Variants in NT5C3B observed in about 807,000 individuals in gnomAD.
The protein encoded by NT5C3B is 7-methylguanosine phosphate-specific 5'-nucleotidase.
In NT5C3B, 28 loss-of-function variants were observed where a neutral mutation model predicts 32.5. The observed-to-expected ratio is 0.86, with a 90% CI of 0.64 to 1.18. The LOEUF (loss-of-function observed/expected upper bound fraction) is 1.18, where lower values mean the gene tolerates loss of function less well. Ranked by LOEUF, NT5C3B falls within the 50% of genes most tolerant of loss-of-function variation. The pLI is 0.00. For synonymous variants in NT5C3B, 138 were observed against 118.0 expected (o/e 1.17, Z -1.10); for missense variants, 317 against 322.0 (o/e 0.98, Z 0.12).
chr17:41,834,774 C>A (rs2048115970), intron 4 of NT5C3B, among the ~76,000 whole-genome samples: 1 of 152,062 alleles, frequency 6.6e-6, no homozygotes, highest in Non-Finnish European at 1.5e-5. Flanking sequence ...ACAAGCTCTG[C>A]CATTTGGCTG....
Position 41,825,376 on chromosome 17 carries a change from G to A in NT5C3B, c.*147C>T. 1 of 626,702 alleles carries A rather than the reference G, an allele frequency of 1.6e-6. No individual in the cohort carries two copies. The highest frequency in any genetic ancestry group is 2.1e-5 in the South Asian group (1 of 48,156). 38.8% of individuals were successfully genotyped at this position (626,702 alleles called of 1,614,324 possible). ...TTCCTTCAAGCCTCTGGTGATGAAG[G>A]TGCTCAGGGAAAGGAGGACGGAGGG... On this transcript the variant is annotated 3_prime_UTR_variant, in exon 9 of 9. Coordinates refer to ENST00000435506, the MANE Select transcript of NT5C3B (RefSeq NM_052935.5).
In NT5C3B at chr17:41,834,936, C is replaced by T. The variant is rs532379680; in HGVS notation, c.228+134G>A. ...CTGTCTTAATGTATTAAAACTAGACCCTCCTTAGCAAAACAACAAGTTTTT... is the reference window on the plus strand; with the variant it reads ...CTGTCTTAATGTATTAAAACTAGACTCTCCTTAGCAAAACAACAAGTTTTT... On this transcript the variant is annotated intron_variant, in intron 4 of 8. Transcript: ENST00000435506. 2.3e-5 allele frequency: 19 copies of T among 824,122 alleles called. No homozygotes were observed. In the African/African-American group the frequency reaches 2.6e-4, roughly 11 times the overall value. 51.1% of individuals were successfully genotyped at this position (824,122 alleles called of 1,614,324 possible).
At position 41,827,459 on chromosome 17, in the gene NT5C3B, C is replaced by T. The variant is rs2047985977; in HGVS notation, c.735G>A (p.Gln245=). Residue 245 remains glutamine (Q), a synonymous_variant, in exon 8 of 9, where the codon CAG becomes CAA. Coordinates refer to ENST00000435506, the MANE Select transcript of NT5C3B (RefSeq NM_052935.5). The part of the protein sequence containing the change: ...LTMADGVPGV[Q]NILKIGFLND... Reference sequence around the variant, plus strand: ...TCAGGAAGCCAATTTTGAGAATGTTCTGCACACCAGGAACCCCATCGGCCA... The same window carrying T: ...TCAGGAAGCCAATTTTGAGAATGTTTTGCACACCAGGAACCCCATCGGCCA... The T allele has an allele frequency of 6.9e-6, 6 of 872,794 alleles. No homozygotes were observed. The South Asian group carries it at 7.8e-5, about 11-fold the overall frequency. The allele number at this position is 872,794 out of a possible 1,614,324, so 54.1% of individuals were successfully genotyped here. A position where few individuals can be genotyped will look rare whatever the true frequency, so the allele number is the denominator to read the frequency against.
chr17:41,835,538 C>T (rs1319763), intron 2 of NT5C3B: 528,876 of 688,926 alleles, frequency 0.77, 204,268 homozygotes, highest in Admixed American at 0.86. Flanking sequence ...TATCAGGTCC[C>T]TCCTAAGAGA....
chr17:41,829,712 C>T lies in NT5C3B; in HGVS notation c.405-760G>A, dbSNP rs1399962510. On this transcript the variant is annotated intron_variant, in intron 6 of 8. Transcript: ENST00000435506. ...ATATAAATATGCCACAATTTATCTA[C>T]CCAGCTTCTCCTTGATAGACAGTTG... Among the ~76,000 whole-genome samples, 4 of 152,202 alleles carry T rather than the reference C, an allele frequency of 2.6e-5. No homozygotes were observed. The East Asian group carries it at 7.7e-4, about 29-fold the overall frequency.
At chr17:41,828,504 T>TA (rs1555618535) in intron 7 of NT5C3B, 2 of 251,668 alleles carry the variant, frequency 7.9e-6, no homozygotes, top group Admixed American at 4.8e-5. Context: ...GCCCGGCTTA[T>TA]TTCTGTATTT....
At chr17:41,831,719 T>C (rs2048055137) in intron 5 of NT5C3B, among the ~76,000 whole-genome samples, 1 of 152,226 alleles carries the variant, frequency 6.6e-6, no homozygotes, top group Admixed American at 6.6e-5. Context: ...TGGACTTCCC[T>C]GCTTCCAGAA....
At chr17:41,831,226 G>A (rs2048046494) in intron 5 of NT5C3B, among the ~76,000 whole-genome samples, 1 of 151,434 alleles carries the variant, frequency 6.6e-6, no homozygotes, top group Non-Finnish European at 1.5e-5. Context: ...GGCTGAGGCT[G>A]GAGAATCACT....
Position 41,825,455 on chromosome 17 carries a change from G to A in NT5C3B, c.*68C>T, listed in dbSNP as rs1053941996. On this transcript the variant is annotated 3_prime_UTR_variant, in exon 9 of 9. Transcript: ENST00000435506. ...ACCCTGGCCTCTGCTCTGTGTTCAC[G>A]GGGGAGCAGACTCTGGGGAGGCGCC... The A allele has an allele frequency of 4.7e-5, 38 of 812,956 alleles. No homozygotes were observed. The highest frequency in any genetic ancestry group is 3.4e-4 in the South Asian group (24 of 70,992). The allele number at this position is 812,956 out of a possible 1,614,324, so 50.4% of individuals were successfully genotyped here. A position where few individuals can be genotyped will look rare whatever the true frequency, so the allele number is the denominator to read the frequency against.
At chr17:41,835,817 G>A (rs2048142346) in intron 2 of NT5C3B, 42 bp downstream of exon 2, 2 of 1,550,502 alleles carry the variant, frequency 1.3e-6, no homozygotes, top group Non-Finnish European at 1.8e-6. Flanking sequence ...AGCCTCTCCA[G>A]CCGCCCCCAG....
In NT5C3B at chr17:41,835,878, C is replaced by T; in HGVS notation, c.92G>A (p.Gly31Asp). The T allele has an allele frequency of 6.2e-7, 1 of 1,609,268 alleles. No individual in the cohort carries two copies. Among genetic ancestry groups the T allele is most frequent in the Non-Finnish European group, 8.5e-7 (1 of 1,178,746 alleles). Residue 31 changes from glycine to aspartate, a missense_variant, in exon 2 of 9, where the codon GGC becomes GAC. Gly to Asp is a moderately conservative substitution (Grantham distance 94). Coordinates refer to ENST00000435506, the MANE Select transcript of NT5C3B (RefSeq NM_052935.5). ...AGGTACCTGTAACCGGTCTCCGCCG[C>T]CCTTGCGGAGGGCGCCCACGATCTC... ...VQEIVGALRK[G>D]GGDRLQVISD...
Position 41,835,962 on chromosome 17 carries a change from C to A in NT5C3B, c.13-5G>T. The A allele has an allele frequency of 6.4e-7, 1 of 1,572,512 alleles. No individual in the cohort carries two copies. The highest frequency in any genetic ancestry group is 1.8e-5 in the Admixed American group (1 of 54,200). On this transcript the variant is annotated splice_polypyrimidine_tract_variant and splice_region_variant and intron_variant, in intron 1 of 8. Coordinates refer to ENST00000435506, the MANE Select transcript of NT5C3B (RefSeq NM_052935.5). ...GGCCTTCATCAGGGTGCTCACCTGT[C>A]CCGAGACCCGAGAGAACCACTGACC...
At position 41,832,173 on chromosome 17, in the gene NT5C3B, AT is replaced by A. The variant is rs1555619142; in HGVS notation, c.314+218del. 2.0e-5 allele frequency among the ~76,000 whole-genome samples: 3 copies of A among 152,374 alleles called. No homozygotes were observed. The East Asian group carries it at 5.8e-4, about 29-fold the overall frequency. ...CCCCAACACCAAGCGTCTTTAACTT[AT>A]TCCAAGGATTCTCTGAGGGTCTCCA... On this transcript the variant is annotated intron_variant, in intron 5 of 8. Coordinates refer to ENST00000435506, the MANE Select transcript of NT5C3B (RefSeq NM_052935.5).
intron 5 of NT5C3B, among the ~76,000 whole-genome samples, chr17:41,831,917 A>AC (rs1453431573): frequency 6.6e-6 from 1 of 152,156 alleles, no homozygotes; most frequent in Non-Finnish European, 1.5e-5. Flanking sequence ...TGAGCCAGGC[A>AC]CAGTGGCACG....
In NT5C3B at chr17:41,833,826, T is replaced by G. The variant is rs562918768; in HGVS notation, c.228+1244A>C. ...ATGTGTGTTTCCTCTAAGGTTTCCT[T>G]CTATGTGCCAAGACTTTGACACTCT... is the stretch of plus-strand genomic sequence containing the variant. On this transcript the variant is annotated intron_variant, in intron 4 of 8. Coordinates refer to ENST00000435506, the MANE Select transcript of NT5C3B (RefSeq NM_052935.5). Among the ~76,000 whole-genome samples the G allele has an allele frequency of 8.1e-4, 123 of 152,282 alleles. 4 individuals carry two copies. In the South Asian group the frequency reaches 0.025, roughly 31 times the overall value.
At chr17:41,830,134 G>A (rs905961467) in intron 6 of NT5C3B, among the ~76,000 whole-genome samples, 4 of 152,252 alleles carry the variant, frequency 2.6e-5, no homozygotes, top group South Asian at 2.1e-4. Context: ...ACGATCAAGC[G>A]TCCCAGCCTA....
intron 2 of NT5C3B, 65 bp downstream of exon 2, chr17:41,835,794 C>T: frequency 6.9e-7 from 1 of 1,442,054 alleles, no homozygotes. Context: ...GCGGGAAGGC[C>T]CAATGGGCAG....
At chr17:41,835,390 A>G in intron 2 of NT5C3B, 118 bp from the exon 3 acceptor site, 1 of 834,392 alleles carries the variant, frequency 1.2e-6, no homozygotes, top group East Asian at 2.6e-5. Context: ...ATGTAGGCAA[A>G]GCCCTAGGGG....
intron 8 of NT5C3B, among the ~76,000 whole-genome samples, chr17:41,826,217 TTCTTTC>T (rs2144084141): frequency 8.3e-5 from 1 of 12,084 alleles, no homozygotes; most frequent in South Asian, 4.5e-3. Flanking sequence ...CTGAATTTCT[TTCTTTC>T]TTTCTTTCTT....
Sources: allele counts gnomAD v4.1 joint callset (sites outside exome capture counted in the v4.1 genomes callset), GRCh38; gene constraint gnomAD v4.1.1; transcripts MANE v1.5; gene names NCBI Gene and HGNC (gene_info 2026-07-23, HGNC 2026-07-21).